TSPEAR: variants seen among roughly 807,000 people sequenced by gnomAD.
The protein encoded by TSPEAR is thrombospondin type laminin G domain and EAR repeats.
In TSPEAR, 69 loss-of-function variants were observed where a neutral mutation model predicts 71.6. The ratio of observed to expected loss-of-function variants is 0.96; its 90% CI spans 0.79 to 1.18. The LOEUF (loss-of-function observed/expected upper bound fraction) is 1.18, where lower values mean the gene tolerates loss of function less well. Among genes scored for constraint, TSPEAR ranks in the 50% most tolerant of loss-of-function variants. The pLI, the probability that TSPEAR is intolerant of heterozygous loss-of-function variation, is 0.00. For synonymous variants in TSPEAR, 402 were observed against 387.2 expected (o/e 1.04, Z -0.45); for missense variants, 971 against 894.9 (o/e 1.09, Z -1.09).
chr21:44,600,147 T>G (rs1400094577), intron 1 of TSPEAR, among the ~76,000 whole-genome samples: 1 of 152,080 alleles, frequency 6.6e-6, no homozygotes, highest in East Asian at 1.9e-4. Context: ...TCCACCCTCA[T>G]GCCATCATTG....
intron 1 of TSPEAR, chr21:44,579,418 A>T: frequency 2.4e-6 from 1 of 414,090 alleles, no homozygotes; most frequent in Non-Finnish European, 4.4e-6. Flanking sequence ...CTGAGCTCAA[A>T]ACCATGTATC....
In TSPEAR at chr21:44,612,809, C is replaced by G. The variant is rs373214776; in HGVS notation, c.83-44804G>C. 2.5e-6 allele frequency: 4 copies of G among 1,613,366 alleles called. No homozygotes were observed. The highest frequency in any genetic ancestry group is 1.7e-5 in the Admixed American group (1 of 59,994). On this transcript the variant is annotated intron_variant, in intron 1 of 11. Coordinates refer to ENST00000323084, the MANE Select transcript of TSPEAR (RefSeq NM_144991.3). This position sits in a 1 kb window ranked among gnomAD's most constrained non-coding sequence, Gnocchi z 4.1. The stretch of plus-strand genomic sequence containing the variant: ...TTGTGTCCCTGCCTCCTCCTGCCAG[C>G]CCAGCTGCTGCCACCCGGCCTCCTG...
rs587734839 is a variant in TSPEAR at position 44,503,522 on chromosome 21, G to A, written c.1856+1258C>T. ...AGGAGGCCGGCCTTGGTGAGCCCTT[G>A]GGGGGAAGCCGGCCTTGGTGAGCCC... On this transcript the variant is annotated intron_variant, in intron 11 of 11. Coordinates refer to ENST00000323084, the MANE Select transcript of TSPEAR (RefSeq NM_144991.3). Among the ~76,000 whole-genome samples, 7 of 131,270 alleles carry A rather than the reference G, an allele frequency of 5.3e-5. No homozygotes were observed. The East Asian group carries it at 1.4e-3, about 27-fold the overall frequency. 86.1% of individuals were successfully genotyped at this position (131,270 alleles called of 152,430 possible).
At position 44,558,147 on chromosome 21, in the gene TSPEAR, C is replaced by T. The variant is rs782784565; in HGVS notation, c.303+9638G>A. 2.6e-5 allele frequency: 42 copies of T among 1,612,798 alleles called. No homozygotes were observed. The highest frequency in any genetic ancestry group is 1.8e-4 in the East Asian group (8 of 44,822). On this transcript the variant is annotated intron_variant, in intron 2 of 11. Coordinates refer to ENST00000323084, the MANE Select transcript of TSPEAR (RefSeq NM_144991.3). ...GAGGAGGGACACGCAGGAGGCCGGG[C>T]GGCAGCAGCTGGGCTGGCAGGTGGA...
At chr21:44,661,979 T>C (rs1319512415) in intron 1 of TSPEAR, among the ~76,000 whole-genome samples, 3 of 151,694 alleles carry the variant, frequency 2.0e-5, no homozygotes, top group African/African-American at 7.3e-5. Flanking sequence ...CCAAACTATA[T>C]CAAGATGTAT....
intron 1 of TSPEAR, among the ~76,000 whole-genome samples, chr21:44,656,774 C>G (rs1372718948): frequency 2.0e-5 from 3 of 152,140 alleles, no homozygotes; most frequent in African/African-American, 4.8e-5. Context: ...CAGTATCGCT[C>G]TCTTCTCTTT....
intron 9 of TSPEAR, among the ~76,000 whole-genome samples, chr21:44,510,301 C>A (rs1190571448): frequency 6.6e-6 from 1 of 152,306 alleles, no homozygotes; most frequent in African/African-American, 2.4e-5. Context: ...AGGACGGAGC[C>A]GGTCATGCTG....
In TSPEAR at chr21:44,509,238, G is replaced by A. The variant is rs782387045; in HGVS notation, c.1715C>T (p.Ala572Val). 2.0e-5 allele frequency: 33 copies of A among 1,613,902 alleles called. No homozygotes were observed. Among genetic ancestry groups the A allele is most frequent in the East Asian group, 8.9e-5 (4 of 44,878 alleles). Residue 572 changes from alanine (A) to valine (V), a missense_variant, in exon 10 of 12, where the codon GCG becomes GTG. Physicochemically the swap from Ala to Val is moderately conservative, Grantham distance 64 (BLOSUM62 0). Coordinates refer to ENST00000323084, the MANE Select transcript of TSPEAR (RefSeq NM_144991.3). ...GTCCTGGAACTTGACAAAGGCCTGC[G>A]CGGTCACGTTCAGCTCGTAGATGAC... ...NSVIYELNVT[A>V]QAFVKFQDIL...
At chr21:44,622,176 C>G (rs1177851610) in intron 1 of TSPEAR, among the ~76,000 whole-genome samples, 3 of 152,232 alleles carry the variant, frequency 2.0e-5, no homozygotes, top group Admixed American at 6.5e-5. Flanking sequence ...AAAGGACTCT[C>G]TCTGTATAGC....
chr21:44,548,378 G>A (rs1046134714), intron 2 of TSPEAR, among the ~76,000 whole-genome samples: 5 of 152,170 alleles, frequency 3.3e-5, no homozygotes, highest in African/African-American at 1.2e-4. Flanking sequence ...GTGTTCCCTT[G>A]ACTGCTGCAA....
In TSPEAR at chr21:44,612,264, C is replaced by T. The variant is rs1981734723; in HGVS notation, c.83-44259G>A. On this transcript the variant is annotated intron_variant, in intron 1 of 11. Coordinates refer to ENST00000323084, the MANE Select transcript of TSPEAR (RefSeq NM_144991.3). The surrounding 1 kb of genome is among the most constrained non-coding windows in gnomAD (Gnocchi z 4.1). ...CAGGAAAGCTGCTGCGAGCCCCGCT[C>T]CTGTGCCTCCAGCTGCTGTACCCCT... The T allele has an allele frequency of 6.2e-7, 1 of 1,613,634 alleles. No individual in the cohort carries two copies. Among genetic ancestry groups the T allele is most frequent in the Non-Finnish European group, 8.5e-7 (1 of 1,180,000 alleles).
chr21:44,579,842 G>T (rs587720012), intron 1 of TSPEAR: 16 of 1,596,026 alleles, frequency 1.0e-5, no homozygotes, highest in Non-Finnish European at 1.4e-5. Context: ...GGCCTGGTAG[G>T]AGGAGGCAGG....
chr21:44,670,319 G>T (rs1163307867), intron 1 of TSPEAR, among the ~76,000 whole-genome samples: 1 of 152,092 alleles, frequency 6.6e-6, no homozygotes, highest in Non-Finnish European at 1.5e-5. Context: ...GCTCAAGAGG[G>T]CTGACTAGAG....
intron 1 of TSPEAR, among the ~76,000 whole-genome samples, chr21:44,634,771 A>G (rs1221334730): frequency 2.6e-5 from 4 of 152,240 alleles, no homozygotes; most frequent in Admixed American, 2.0e-4. Flanking sequence ...AATCCACACC[A>G]CAATGACATG....
intron 9 of TSPEAR, 50 bp downstream of exon 9, chr21:44,521,833 A>G: frequency 6.5e-7 from 1 of 1,537,010 alleles, no homozygotes; most frequent in Non-Finnish European, 9.0e-7. Context: ...TGCAGGTGAC[A>G]GACGCAGTGG....
At chr21:44,693,548 C>T (rs2146315496) in intron 1 of TSPEAR, among the ~76,000 whole-genome samples, 1 of 152,036 alleles carries the variant, frequency 6.6e-6, no homozygotes, top group South Asian at 2.1e-4. Flanking sequence ...TGCAAATGGC[C>T]AATAAGTACA....
intron 11 of TSPEAR, among the ~76,000 whole-genome samples, chr21:44,502,148 C>T (rs1555911168): frequency 6.6e-6 from 1 of 152,180 alleles, no homozygotes; most frequent in African/African-American, 2.4e-5. Flanking sequence ...TAGTGGACCG[C>T]ACCACGCACT....
chr21:44,507,567 C>G (rs587662461), intron 10 of TSPEAR, among the ~76,000 whole-genome samples: 2 of 152,308 alleles, frequency 1.3e-5, no homozygotes, highest in African/African-American at 2.4e-5. Flanking sequence ...AGTTCATAAA[C>G]TGTCCATACC....
intron 1 of TSPEAR, among the ~76,000 whole-genome samples, chr21:44,635,944 G>A (rs782477784): frequency 6.6e-6 from 1 of 152,100 alleles, no homozygotes; most frequent in Non-Finnish European, 1.5e-5. Flanking sequence ...TTAAACCTGA[G>A]AAACTTTAGT....
Sources: allele counts gnomAD v4.1 joint callset (sites outside exome capture counted in the v4.1 genomes callset), GRCh38; gene constraint gnomAD v4.1.1; non-coding constraint Gnocchi (gnomAD v3.1); transcripts MANE v1.5; gene names NCBI Gene and HGNC (gene_info 2026-07-23, HGNC 2026-07-21).